Variants in EPHA6 observed in about 807,000 individuals in gnomAD.
The protein encoded by EPHA6 is EPH receptor A6.
Under a neutral mutation model 112.0 loss-of-function variants are expected in EPHA6, and 50 were observed. The observed-to-expected ratio is 0.45, with a 90% CI of 0.36 to 0.56. EPHA6 has a LOEUF of 0.56. EPHA6 is among the 20% of genes least tolerant of loss of function. The pLI is 0.00. For missense variants in EPHA6, 1,280 were observed against 1,417.4 expected (o/e 0.90, Z 1.56); for synonymous variants, 529 against 490.7 (o/e 1.08, Z -1.03).
At chr3:96,997,419 T>C (rs892849103) in intron 3 of EPHA6, among the ~76,000 whole-genome samples, 2 of 152,090 alleles carry the variant, frequency 1.3e-5, no homozygotes, top group Non-Finnish European at 2.9e-5. Flanking sequence ...TTGTAGCTTT[T>C]GATTTTAAGT....
chr3:97,431,021 T>C (rs2089469318), intron 6 of EPHA6, among the ~76,000 whole-genome samples: 1 of 152,112 alleles, frequency 6.6e-6, no homozygotes, highest in Non-Finnish European at 1.5e-5. Flanking sequence ...TGTCCATTTA[T>C]TTGAGTATAT....
chr3:97,052,950 G>A (rs1263820989), intron 3 of EPHA6, among the ~76,000 whole-genome samples: 1 of 152,038 alleles, frequency 6.6e-6, no homozygotes, highest in Non-Finnish European at 1.5e-5. Flanking sequence ...TGTGAGGGAT[G>A]AAGGAGTGGT....
intron 1 of EPHA6, among the ~76,000 whole-genome samples, chr3:96,860,368 A>T (rs1012694940): frequency 2.0e-5 from 3 of 151,774 alleles, no homozygotes; most frequent in South Asian, 2.1e-4. Context: ...ATTTTTTTTT[A>T]AAGTAACGGT....
chr3:97,246,218 C>T (rs1040231721), intron 5 of EPHA6, among the ~76,000 whole-genome samples: 1 of 151,808 alleles, frequency 6.6e-6, no homozygotes, highest in African/African-American at 2.4e-5. Flanking sequence ...TTGCCTCAAC[C>T]TTATCAAAAA....
intron 3 of EPHA6, chr3:96,994,229 T>C: frequency 2.5e-6 from 1 of 400,966 alleles, no homozygotes; most frequent in Non-Finnish European, 5.2e-6. Context: ...TGGGTTGCTT[T>C]ATTATACATA....
At chr3:97,625,484 C>T (rs2093848227) in intron 13 of EPHA6, among the ~76,000 whole-genome samples, 1 of 151,556 alleles carries the variant, frequency 6.6e-6, no homozygotes. Flanking sequence ...AGAAAATATT[C>T]CACATGAAAT....
intron 5 of EPHA6, among the ~76,000 whole-genome samples, chr3:97,320,635 G>A (rs1000356409): frequency 6.6e-6 from 1 of 151,706 alleles, no homozygotes; most frequent in Non-Finnish European, 1.5e-5. Flanking sequence ...GTTTGTGGGA[G>A]GTGTGGAAGA....
intron 3 of EPHA6, among the ~76,000 whole-genome samples, chr3:97,106,475 G>A (rs966795595): frequency 2.0e-5 from 3 of 152,058 alleles, no homozygotes; most frequent in Admixed American, 6.6e-5. Context: ...AGCCCAGGCC[G>A]CTGAGCAGCC....
chr3:96,930,322 TG>T (rs1471998625), intron 2 of EPHA6, among the ~76,000 whole-genome samples: 3 of 152,210 alleles, frequency 2.0e-5, no homozygotes, highest in African/African-American at 7.2e-5. Context: ...TTACTATTTT[TG>T]TGTTGATTTT....
chr3:96,914,895 C>G (rs1211743954), intron 2 of EPHA6, among the ~76,000 whole-genome samples: 2 of 151,466 alleles, frequency 1.3e-5, no homozygotes, highest in Non-Finnish European at 2.9e-5. Flanking sequence ...TTTACTTTAG[C>G]AAAATGACAT....
chr3:97,513,598 T>C (rs1364148991), intron 10 of EPHA6, among the ~76,000 whole-genome samples: 1 of 150,826 alleles, frequency 6.6e-6, no homozygotes, highest in Non-Finnish European at 1.5e-5. Flanking sequence ...CCACATGATC[T>C]CACTCATATG....
chr3:97,655,774 G>T (rs1560236671), intron 14 of EPHA6, among the ~76,000 whole-genome samples: 1 of 136,486 alleles, frequency 7.3e-6, no homozygotes, highest in Non-Finnish European at 1.6e-5. Flanking sequence ...GGGGAGGGGG[G>T]AGGGATAGCA....
chr3:97,642,114 A>T (rs301940), intron 14 of EPHA6, among the ~76,000 whole-genome samples: 57,259 of 112,128 alleles, frequency 0.51, 15,413 homozygotes, highest in East Asian at 0.63. Flanking sequence ...GACTGCCTCC[A>T]CAAGTGGGTA....
chr3:97,411,168 G>A (rs2087688550), intron 6 of EPHA6, among the ~76,000 whole-genome samples: 1 of 151,578 alleles, frequency 6.6e-6, no homozygotes, highest in Non-Finnish European at 1.5e-5. Flanking sequence ...GGAATTTACT[G>A]ATACAAACAC....
chr3:97,002,114 C>T (rs1032594743), intron 3 of EPHA6, among the ~76,000 whole-genome samples: 1 of 151,518 alleles, frequency 6.6e-6, no homozygotes, highest in East Asian at 1.9e-4. Context: ...TTTACCGCCT[C>T]GTAATTAAGG....
chr3:97,451,117 G>A (rs1218688620), intron 7 of EPHA6, among the ~76,000 whole-genome samples: 1 of 151,988 alleles, frequency 6.6e-6, no homozygotes, highest in Non-Finnish European at 1.5e-5. Context: ...GATGAAGGTG[G>A]AGAGTTACAC....
At chr3:96,937,664 A>G (rs1020395073) in intron 2 of EPHA6, among the ~76,000 whole-genome samples, 1 of 152,052 alleles carries the variant, frequency 6.6e-6, no homozygotes, top group African/African-American at 2.4e-5. Context: ...GTGGTGTTTT[A>G]GACATGAAGT....
chr3:96,918,436 G>C (rs2039592394), intron 2 of EPHA6, among the ~76,000 whole-genome samples: 1 of 151,896 alleles, frequency 6.6e-6, no homozygotes, highest in African/African-American at 2.4e-5. Context: ...ATATATAAAG[G>C]CATTACGTAT....
chr3:97,386,648 C>T (rs1412278586), intron 5 of EPHA6, among the ~76,000 whole-genome samples: 4 of 152,186 alleles, frequency 2.6e-5, no homozygotes, highest in Non-Finnish European at 5.9e-5. Context: ...ACAGTACAAA[C>T]TGTCAGTGGG....
Sources: gnomAD v4.1 joint callset for allele counts (sites outside exome capture counted in the v4.1 genomes callset) on GRCh38, gnomAD v4.1.1 for gene constraint, MANE v1.5 for transcripts, NCBI Gene and HGNC (gene_info 2026-07-23, HGNC 2026-07-21) for gene names.